The following POU2AF2 variants were observed in gnomAD, a reference collection of about 807,000 sequenced individuals.
POU2AF2 encodes the protein POU class 2 homeobox associating factor 2.
chr11:111,258,176 G>C, the POU2AF2 span, among the ~76,000 whole-genome samples: 1 of 152,186 alleles, frequency 6.6e-6, no homozygotes, highest in Non-Finnish European at 1.5e-5. Context: ...TCTTGAGAGA[G>C]AGAGAGAGAA....
the POU2AF2 span, among the ~76,000 whole-genome samples, chr11:111,268,476 TTTTTTATTTTATTTTA>T: frequency 8.2e-4 from 73 of 88,598 alleles, 3 homozygotes; most frequent in South Asian, 7.6e-3. Context: ...ACATTTTTCT[TTTTTTATTTTATTTTA>T]TTTTATTTTA....
At chr11:111,276,619 G>A in the POU2AF2 span, among the ~76,000 whole-genome samples, 1 of 145,408 alleles carries the variant, frequency 6.9e-6, no homozygotes, top group African/African-American at 2.5e-5. Flanking sequence ...TCCAGCCTGG[G>A]TGACAGTGTG....
the POU2AF2 span, among the ~76,000 whole-genome samples, chr11:111,282,706 G>A: frequency 6.6e-6 from 1 of 152,226 alleles, no homozygotes; most frequent in East Asian, 1.9e-4. Context: ...AGAATCAGAA[G>A]CTCAGAAGTG....
chr11:111,265,918 G>C, the POU2AF2 span, among the ~76,000 whole-genome samples: 1 of 151,194 alleles, frequency 6.6e-6, no homozygotes. Flanking sequence ...CATGCTGATT[G>C]AGCTATACCA....
chr11:111,258,629 T>C, the POU2AF2 span, among the ~76,000 whole-genome samples: 1 of 152,238 alleles, frequency 6.6e-6, no homozygotes, highest in African/African-American at 2.4e-5. Flanking sequence ...GAGTTTTTAC[T>C]TTTTATAAAA....
At chr11:111,272,940 A>G in the POU2AF2 span, among the ~76,000 whole-genome samples, 2 of 152,106 alleles carry the variant, frequency 1.3e-5, no homozygotes, top group Non-Finnish European at 2.9e-5. Context: ...TCAGCACCCA[A>G]TTCAAATCCT....
chr11:111,276,602 A>G, the POU2AF2 span, among the ~76,000 whole-genome samples: 1 of 148,036 alleles, frequency 6.8e-6, no homozygotes, highest in African/African-American at 2.5e-5. Context: ...AGATTGTGCC[A>G]ATGCACTCCA....
At chr11:111,253,509 A>G in the POU2AF2 span, among the ~76,000 whole-genome samples, 4 of 152,106 alleles carry the variant, frequency 2.6e-5, no homozygotes, top group African/African-American at 9.7e-5. Flanking sequence ...CTTCTCTCTC[A>G]TGTTTAAATA....
chr11:111,262,296 T>G, the POU2AF2 span, among the ~76,000 whole-genome samples: 2,649 of 152,314 alleles, frequency 0.017, 41 homozygotes, highest in Middle Eastern at 0.051. Context: ...GTTTATGACA[T>G]AGAGCAATTG....
the POU2AF2 span, among the ~76,000 whole-genome samples, chr11:111,267,973 A>T: frequency 6.6e-6 from 1 of 152,250 alleles, no homozygotes; most frequent in South Asian, 2.1e-4. Flanking sequence ...ACTAATGTAG[A>T]AATCTAATAC....
chr11:111,275,138 T>C, the POU2AF2 span, among the ~76,000 whole-genome samples: 1 of 152,184 alleles, frequency 6.6e-6, no homozygotes, highest in Non-Finnish European at 1.5e-5. Flanking sequence ...AAATAAAAGC[T>C]TTGTGCTGTG....
chr11:111,250,122 C>A, the POU2AF2 span, among the ~76,000 whole-genome samples: 1 of 152,000 alleles, frequency 6.6e-6, no homozygotes, highest in Non-Finnish European at 1.5e-5. Flanking sequence ...CCATCAAAAC[C>A]GACTCTTTCC....
the POU2AF2 span, among the ~76,000 whole-genome samples, chr11:111,261,629 T>C: frequency 6.6e-6 from 1 of 152,092 alleles, no homozygotes; most frequent in African/African-American, 2.4e-5. Flanking sequence ...ATTGAAACTG[T>C]TGGGGAGATG....
the POU2AF2 span, among the ~76,000 whole-genome samples, chr11:111,276,543 G>C: frequency 1.4e-5 from 2 of 144,622 alleles, no homozygotes; most frequent in Admixed American, 6.9e-5. Flanking sequence ...TTGGGAGGCT[G>C]AGAGAGGAGA....
chr11:111,264,411 G>T, the POU2AF2 span, among the ~76,000 whole-genome samples: 3 of 151,546 alleles, frequency 2.0e-5, no homozygotes, highest in African/African-American at 7.3e-5. Context: ...CACAAGAATC[G>T]CTTGAACCCG....
chr11:111,270,065 A>T, the POU2AF2 span, among the ~76,000 whole-genome samples: 1 of 152,204 alleles, frequency 6.6e-6, no homozygotes, highest in Non-Finnish European at 1.5e-5. Context: ...TTTCAGACAG[A>T]ATAAGAGTTA....
At chr11:111,254,151 C>T in the POU2AF2 span, among the ~76,000 whole-genome samples, 1 of 152,176 alleles carries the variant, frequency 6.6e-6, no homozygotes, top group East Asian at 1.9e-4. Context: ...TGACCTTAGG[C>T]TTTTCCAAAA....
the POU2AF2 span, among the ~76,000 whole-genome samples, chr11:111,264,694 G>GAGAA: frequency 7.0e-6 from 1 of 143,198 alleles, no homozygotes; most frequent in Non-Finnish European, 1.5e-5. Flanking sequence ...GAGAAAGACA[G>GAGAA]AGAAAGAAAG....
chr11:111,277,059 C>T, the POU2AF2 span, among the ~76,000 whole-genome samples: 8 of 152,078 alleles, frequency 5.3e-5, no homozygotes, highest in African/African-American at 1.9e-4. Flanking sequence ...AGCTTAATAA[C>T]AAAAAACAAG....
Sources: gnomAD v4.1 joint callset for allele counts (sites outside exome capture counted in the v4.1 genomes callset) on GRCh38, gnomAD v4.1.1 for gene constraint, MANE v1.5 for transcripts, NCBI Gene and HGNC (gene_info 2026-07-23, HGNC 2026-07-21) for gene names.